The following LRRC28 variants were observed in gnomAD, a reference collection of about 807,000 sequenced individuals.
LRRC28 encodes leucine rich repeat containing 28, also known as leucine-rich repeat-containing protein 28.
Under a neutral mutation model 45.7 loss-of-function variants are expected in LRRC28, and 39 were observed. The ratio of observed to expected loss-of-function variants is 0.85; its 90% CI spans 0.66 to 1.12. LRRC28 has a LOEUF of 1.12. LRRC28 is among the 50% of genes most tolerant of loss of function. LRRC28 has a pLI of 0.00. For synonymous variants in LRRC28, 206 were observed against 178.8 expected (o/e 1.15, Z -1.22); for missense variants, 435 against 438.5 (o/e 0.99, Z 0.07).
chr15:99,306,318 G>A (rs1955180311), intron 5 of LRRC28, among the ~76,000 whole-genome samples: 1 of 152,182 alleles, frequency 6.6e-6, no homozygotes, highest in African/African-American at 2.4e-5. Flanking sequence ...GACCGATGGG[G>A]ATTTGAGGAA....
intron 5 of LRRC28, among the ~76,000 whole-genome samples, chr15:99,313,529 A>G (rs1342565804): frequency 6.6e-6 from 1 of 152,152 alleles, no homozygotes; most frequent in Admixed American, 6.5e-5. Context: ...TTCAGGATAG[A>G]TCATATATGC....
intron 7 of LRRC28, chr15:99,353,819 G>C (rs1275653443): frequency 6.6e-6 from 1 of 152,122 alleles, no homozygotes; most frequent in Non-Finnish European, 1.5e-5. Context: ...AAGAAAAAGT[G>C]CCTTATACTT....
chr15:99,254,119 C>T (rs1464729455), intron 1 of LRRC28, among the ~76,000 whole-genome samples: 1 of 152,222 alleles, frequency 6.6e-6, no homozygotes, highest in Admixed American at 6.5e-5. Flanking sequence ...GTTTCACTTT[C>T]TACACAGAAT....
chr15:99,259,261 T>A, intron 2 of LRRC28: 1 of 1,060,972 alleles, frequency 9.4e-7, no homozygotes, highest in Non-Finnish European at 1.5e-6. Flanking sequence ...GAAAAGAGGC[T>A]GAATCTTCTC....
chr15:99,291,407 C>G (rs2082117982), intron 5 of LRRC28, among the ~76,000 whole-genome samples: 1 of 152,148 alleles, frequency 6.6e-6, no homozygotes, highest in Non-Finnish European at 1.5e-5. Flanking sequence ...TTATTTGATT[C>G]ACTTTATGCA....
intron 9 of LRRC28, among the ~76,000 whole-genome samples, chr15:99,375,332 T>G (rs1181764042): frequency 1.3e-5 from 2 of 152,246 alleles, no homozygotes; most frequent in African/African-American, 4.8e-5. Context: ...CACTTGATCA[T>G]GATGTGTAAT....
intron 2 of LRRC28, chr15:99,259,264 A>G: frequency 9.4e-7 from 1 of 1,061,680 alleles, no homozygotes; most frequent in Non-Finnish European, 1.5e-6. Flanking sequence ...AAGAGGCTGA[A>G]TCTTCTCCAT....
At chr15:99,345,156 G>A (rs184058630) in intron 6 of LRRC28, among the ~76,000 whole-genome samples, 1 of 151,740 alleles carries the variant, frequency 6.6e-6, no homozygotes, top group African/African-American at 2.4e-5. Context: ...AAACTAAGCC[G>A]CACATTTAGT....
intron 2 of LRRC28, among the ~76,000 whole-genome samples, chr15:99,275,100 GAGAA>G (rs1169932224): frequency 6.6e-5 from 10 of 151,644 alleles, no homozygotes; most frequent in Non-Finnish European, 1.3e-4. Flanking sequence ...GTGTGTGTGA[GAGAA>G]AGAGAGAGAG....
intron 7 of LRRC28, among the ~76,000 whole-genome samples, chr15:99,356,481 AATG>A (rs1237318938): frequency 6.6e-6 from 1 of 152,216 alleles, no homozygotes; most frequent in Non-Finnish European, 1.5e-5. Context: ...GATCAGTAGA[AATG>A]ATCCAATCTG....
chr15:99,372,670 T>G (rs1238979242), intron 9 of LRRC28, among the ~76,000 whole-genome samples: 1 of 152,208 alleles, frequency 6.6e-6, no homozygotes, highest in African/African-American at 2.4e-5. Flanking sequence ...GCTTCATAAG[T>G]AGTTAATGAT....
intron 5 of LRRC28, chr15:99,297,395 G>A (rs73473367): frequency 0.024 from 3,625 of 149,290 alleles, 159 homozygotes; most frequent in African/African-American, 0.085. Flanking sequence ...CTATGGGCAT[G>A]TACCACCATG....
At chr15:99,291,108 T>C (rs2082111109) in intron 5 of LRRC28, among the ~76,000 whole-genome samples, 2 of 152,234 alleles carry the variant, frequency 1.3e-5, no homozygotes, top group Admixed American at 6.5e-5. Flanking sequence ...GTTAAGGATG[T>C]ACTTCTAATG....
chr15:99,275,124 G>A (rs1184213760), intron 2 of LRRC28, among the ~76,000 whole-genome samples: 1 of 152,172 alleles, frequency 6.6e-6, no homozygotes, highest in Non-Finnish European at 1.5e-5. Flanking sequence ...GATATTATAT[G>A]TATATATATG....
chr15:99,309,998 C>T (rs1955343830), intron 5 of LRRC28, among the ~76,000 whole-genome samples: 1 of 152,072 alleles, frequency 6.6e-6, no homozygotes, highest in East Asian at 1.9e-4. Flanking sequence ...ACATCTTGTG[C>T]CAGAAAACAG....
chr15:99,373,465 A>G (rs1056604232), intron 9 of LRRC28, among the ~76,000 whole-genome samples: 2 of 152,174 alleles, frequency 1.3e-5, no homozygotes, highest in African/African-American at 2.4e-5. Context: ...ACAGGCATGC[A>G]ATGCATAATA....
intron 2 of LRRC28, among the ~76,000 whole-genome samples, chr15:99,271,790 G>A (rs2081487223): frequency 6.6e-6 from 1 of 152,104 alleles, no homozygotes. Context: ...GTAGAGATGA[G>A]GTTTGACCAT....
intron 5 of LRRC28, among the ~76,000 whole-genome samples, chr15:99,330,420 GT>G (rs1956122857): frequency 6.6e-6 from 1 of 151,848 alleles, no homozygotes; most frequent in African/African-American, 2.4e-5. Context: ...TTAGGCTCTC[GT>G]TACATGTCTA....
chr15:99,365,375 G>A (rs1359423558), intron 9 of LRRC28, among the ~76,000 whole-genome samples: 1 of 152,210 alleles, frequency 6.6e-6, no homozygotes. Context: ...GAGATGAAAT[G>A]CCAAGATACA....
Sources: gnomAD v4.1 joint callset for allele counts (sites outside exome capture counted in the v4.1 genomes callset) on GRCh38, gnomAD v4.1.1 for gene constraint, MANE v1.5 for transcripts, NCBI Gene and HGNC (gene_info 2026-07-23, HGNC 2026-07-21) for gene names.